Variants in SPIDR observed in about 807,000 individuals in gnomAD.
The protein encoded by SPIDR is DNA repair-scaffolding protein.
A neutral mutation model predicts 104.6 loss-of-function variants in SPIDR; 93 were observed. The ratio of observed to expected loss-of-function variants is 0.89; its 90% confidence interval spans 0.75 to 1.06. The LOEUF (loss-of-function observed/expected upper bound fraction) is 1.06, where lower values mean the gene tolerates loss of function less well. SPIDR is among the 50% of genes least tolerant of loss of function. SPIDR has a pLI of 0.00. For synonymous variants in SPIDR, 431 were observed against 416.9 expected (o/e 1.03, Z -0.41); for missense variants, 1,154 against 1,111.2 (o/e 1.04, Z -0.55).
chr8:47,391,896 T>C (rs1191169057), intron 5 of SPIDR, among the ~76,000 whole-genome samples: 1 of 148,916 alleles, frequency 6.7e-6, no homozygotes, highest in Non-Finnish European at 1.5e-5. Context: ...CTCGGGAGGC[T>C]GAGGCAGGAG....
At chr8:47,640,350 G>A (rs942442755) in intron 10 of SPIDR, among the ~76,000 whole-genome samples, 4 of 152,164 alleles carry the variant, frequency 2.6e-5, no homozygotes, top group South Asian at 2.1e-4. Flanking sequence ...CATAGAAGGC[G>A]ATTGGACTCC....
rs371034169 is a variant in SPIDR at position 47,544,107 on chromosome 8, G to C, written c.1098-51704G>C. Among the ~76,000 whole-genome samples, 19 of 152,082 alleles carry C rather than the reference G, an allele frequency of 1.2e-4. 1 individual carries two copies. Among genetic ancestry groups the C allele is most frequent in the African/African-American group, 2.7e-4 (11 of 41,472 alleles). On this transcript the variant is annotated intron_variant, in intron 8 of 19. Coordinates refer to ENST00000297423, the MANE Select transcript of SPIDR (RefSeq NM_001080394.4). Reference sequence around the variant, plus strand: ...TTGGCCAAGAGGGTTCTGTTCAGTTGGTTGGGAGGCTTAGGGTTTTATTTT... The same window carrying C: ...TTGGCCAAGAGGGTTCTGTTCAGTTCGTTGGGAGGCTTAGGGTTTTATTTT...
intron 5 of SPIDR, among the ~76,000 whole-genome samples, chr8:47,351,308 A>G (rs1285346961): frequency 6.6e-6 from 1 of 152,174 alleles, no homozygotes; most frequent in Non-Finnish European, 1.5e-5. Flanking sequence ...GGGTCTTGAA[A>G]CATATCCTCT....
chr8:47,262,903 G>A (rs369710530), intron 1 of SPIDR, among the ~76,000 whole-genome samples: 45 of 152,308 alleles, frequency 3.0e-4, no homozygotes, highest in African/African-American at 1.1e-3. Context: ...ATCTTCAGAG[G>A]TGACTTTCCC....
chr8:47,660,344 A>T, intron 10 of SPIDR: 1 of 583,686 alleles, frequency 1.7e-6, no homozygotes, highest in Non-Finnish European at 2.2e-6. Flanking sequence ...CAACGTGAAC[A>T]GGGAACCTCT....
At chr8:47,462,297 A>G (rs1214067835) in intron 8 of SPIDR, among the ~76,000 whole-genome samples, 1 of 152,166 alleles carries the variant, frequency 6.6e-6, no homozygotes, top group African/African-American at 2.4e-5. Context: ...AACGATACCA[A>G]CACAGTATTT....
intron 5 of SPIDR, among the ~76,000 whole-genome samples, chr8:47,370,810 A>G (rs1454732948): frequency 1.3e-5 from 2 of 152,022 alleles, no homozygotes; most frequent in Non-Finnish European, 2.9e-5. Context: ...GTAACTGGCC[A>G]CTGAATATGA....
At chr8:47,507,357 A>T (rs1241152208) in intron 8 of SPIDR, among the ~76,000 whole-genome samples, 1 of 152,210 alleles carries the variant, frequency 6.6e-6, no homozygotes, top group South Asian at 2.1e-4. Context: ...ACCTCATGCC[A>T]TCTCTTCTGG....
intron 5 of SPIDR, among the ~76,000 whole-genome samples, chr8:47,326,046 C>A (rs2047608141): frequency 6.6e-6 from 1 of 152,132 alleles, no homozygotes; most frequent in Non-Finnish European, 1.5e-5. Flanking sequence ...CAATGGACTG[C>A]AGTGGTGTGA....
At chr8:47,502,251 G>T (rs897656107) in intron 8 of SPIDR, among the ~76,000 whole-genome samples, 1 of 152,146 alleles carries the variant, frequency 6.6e-6, no homozygotes, top group Non-Finnish European at 1.5e-5. Context: ...ATAGAATTCG[G>T]CTGTGAATCC....
chr8:47,284,086 C>T lies in SPIDR; in HGVS notation c.248C>T (p.Pro83Leu). The change falls in exon 3 of 20, where the codon CCC (proline) becomes CTC (leucine). Residue 83 changes from proline to leucine, a missense_variant. Coordinates refer to ENST00000297423, the MANE Select transcript of SPIDR (RefSeq NM_001080394.4). Reference protein sequence around the residue: ...TEKHLELCPRPKQETTTSKST... With the variant: ...TEKHLELCPRLKQETTTSKST... ...AAGCACCTTGAATTATGCCCTAGAC[C>T]CAAGCAAGGTAACTATTTTGTTGAT... is the stretch of plus-strand genomic sequence containing the variant. The T allele has an allele frequency of 6.2e-7, 1 of 1,609,032 alleles. No homozygotes were observed. Among genetic ancestry groups the T allele is most frequent in the South Asian group, 1.1e-5 (1 of 90,460 alleles).
At chr8:47,591,164 G>C (rs1164494357) in intron 8 of SPIDR, among the ~76,000 whole-genome samples, 1 of 149,234 alleles carries the variant, frequency 6.7e-6, no homozygotes, top group Non-Finnish European at 1.5e-5. Context: ...TAGGGCTTAA[G>C]TGTACCTTTT....
chr8:47,570,302 C>G (rs1216053576), intron 8 of SPIDR, among the ~76,000 whole-genome samples: 2 of 152,150 alleles, frequency 1.3e-5, no homozygotes, highest in East Asian at 3.8e-4. Context: ...GTACCAAGAT[C>G]ATTCAAGGGG....
At chr8:47,498,736 A>G (rs1419282438) in intron 8 of SPIDR, among the ~76,000 whole-genome samples, 1 of 152,178 alleles carries the variant, frequency 6.6e-6, no homozygotes, top group Non-Finnish European at 1.5e-5. Context: ...ACATGTTTGC[A>G]TTTATGTTCA....
chr8:47,553,744 T>C (rs1228185727), intron 8 of SPIDR, among the ~76,000 whole-genome samples: 1 of 152,252 alleles, frequency 6.6e-6, no homozygotes, highest in African/African-American at 2.4e-5. Context: ...AGCCTTCTTC[T>C]CTCAGTTTGT....
chr8:47,728,617 C>T (rs1219307524), intron 17 of SPIDR: 2 of 260,150 alleles, frequency 7.7e-6, no homozygotes, highest in African/African-American at 4.6e-5. Context: ...AGCAGACTTT[C>T]TCTTCCGGGC....
rs118081462 is a variant in SPIDR, at chr8:47,682,632, A to G, written c.1685+8691A>G. Among the ~76,000 whole-genome samples, 449 of 152,388 alleles carry G rather than the reference A, an allele frequency of 2.9e-3. 3 individuals carry two copies. The highest frequency in any genetic ancestry group is 5.0e-3 in the Admixed American group (76 of 15,306). ...ATGTCTAGAAAGTGCTTATGCTGTT[A>G]TGAAAATAACTACAACTATTTCATA... On this transcript the variant is annotated intron_variant, in intron 11 of 19. Transcript: ENST00000297423.
chr8:47,445,303 G>A (rs1776286665), intron 8 of SPIDR, among the ~76,000 whole-genome samples: 1 of 152,024 alleles, frequency 6.6e-6, no homozygotes, highest in African/African-American at 2.4e-5. Flanking sequence ...ATCTATTATG[G>A]TGATCCGTGA....
At chr8:47,344,762 TC>T (rs2051523222) in intron 5 of SPIDR, among the ~76,000 whole-genome samples, 1 of 152,256 alleles carries the variant, frequency 6.6e-6, no homozygotes, top group East Asian at 1.9e-4. Context: ...TGCATAAGTG[TC>T]TTCTTTTGAG....
Sources: allele counts gnomAD v4.1 joint callset (sites outside exome capture counted in the v4.1 genomes callset), GRCh38; gene constraint gnomAD v4.1.1; transcripts MANE v1.5; gene names NCBI Gene and HGNC (gene_info 2026-07-23, HGNC 2026-07-21).